The following WWOX variants were observed in gnomAD, a reference collection of about 807,000 sequenced individuals.
WWOX encodes the protein WW domain-containing oxidoreductase.
Under a neutral mutation model 46.2 loss-of-function variants are expected in WWOX, and 69 were observed. The observed-to-expected ratio is 1.49, with a 90% confidence interval of 1.23 to 1.82. The LOEUF is 1.82. Among genes scored for constraint, WWOX ranks in the 40% most tolerant of loss-of-function variants. The probability of loss-of-function intolerance (pLI) is 0.00; values close to 1 mark genes in which losing one functional copy is unlikely to be tolerated. For synonymous variants in WWOX, 359 were observed against 202.6 expected (o/e 1.77, Z -6.56); for missense variants, 919 against 542.6 (o/e 1.69, Z -6.89).
intron 8 of WWOX, among the ~76,000 whole-genome samples, chr16:78,736,580 G>T (rs1018061154): frequency 6.6e-6 from 1 of 151,762 alleles, no homozygotes; most frequent in Non-Finnish European, 1.5e-5. Flanking sequence ...TTTCTTTCTT[G>T]TTTTGTTTTG....
Position 78,338,000 on chromosome 16 carries a change from G to A in WWOX, c.517-48860G>A, listed in dbSNP as rs184665090. On this transcript the variant is annotated intron_variant, in intron 5 of 8. Coordinates refer to ENST00000566780, the MANE Select transcript of WWOX (RefSeq NM_016373.4). Reference sequence around the variant, plus strand: ...TATCAGGTCACTTGGCAACCAAGCTGATGAGGATAGCAGTTTCTTTTGTTC... The same window carrying A: ...TATCAGGTCACTTGGCAACCAAGCTAATGAGGATAGCAGTTTCTTTTGTTC... Among the ~76,000 whole-genome samples the A allele has an allele frequency of 5.0e-5, 6 of 119,970 alleles. No homozygotes were observed. In the East Asian group the frequency reaches 1.2e-3, roughly 23 times the overall value. The allele number at this position is 119,970 out of a possible 152,430, so 78.7% of individuals were successfully genotyped here.
intron 8 of WWOX, among the ~76,000 whole-genome samples, chr16:78,946,445 C>T (rs1225547815): frequency 6.6e-6 from 1 of 152,130 alleles, no homozygotes; most frequent in South Asian, 2.1e-4. Context: ...CTCACGTCGG[C>T]CTCCCAGAGT....
intron 5 of WWOX, 58 bp downstream of exon 5, chr16:78,164,347 C>A: frequency 6.7e-7 from 1 of 1,481,670 alleles, no homozygotes; most frequent in Non-Finnish European, 9.4e-7. Context: ...CCGGGCTAAC[C>A]ATATGGAGAT....
intron 8 of WWOX, among the ~76,000 whole-genome samples, chr16:78,736,393 C>T (rs1232359174): frequency 2.6e-5 from 4 of 152,108 alleles, no homozygotes; most frequent in South Asian, 2.1e-4. Flanking sequence ...GGAAATGGCA[C>T]AGCAGCTGCT....
At chr16:78,318,654 G>A (rs747140744) in intron 5 of WWOX, among the ~76,000 whole-genome samples, 1 of 152,164 alleles carries the variant, frequency 6.6e-6, no homozygotes, top group Non-Finnish European at 1.5e-5. Context: ...GCTGTGGGGA[G>A]TAAGTGGGAT....
chr16:78,192,057 A>G (rs2035899025), intron 5 of WWOX, among the ~76,000 whole-genome samples: 1 of 152,178 alleles, frequency 6.6e-6, no homozygotes, highest in Non-Finnish European at 1.5e-5. Context: ...TTCTTTGTTT[A>G]TAAAAGAGGG....
intron 5 of WWOX, among the ~76,000 whole-genome samples, chr16:78,350,443 T>A (rs1332639766): frequency 8.3e-6 from 1 of 120,720 alleles, no homozygotes; most frequent in African/African-American, 2.8e-5. Flanking sequence ...TTTCCCCACT[T>A]CCTTTTCTCT....
At chr16:79,184,152 C>A (rs991145934) in intron 8 of WWOX, among the ~76,000 whole-genome samples, 1 of 152,146 alleles carries the variant, frequency 6.6e-6, no homozygotes, top group African/African-American at 2.4e-5. Flanking sequence ...GTAAATTAAA[C>A]CCTCCCCCAA....
rs565600577 is a variant in WWOX at position 79,122,617 on chromosome 16, C to G, written c.1057-88991C>G. Among the ~76,000 whole-genome samples, 15 of 151,690 alleles carry G rather than the reference C, an allele frequency of 9.9e-5. No homozygotes were observed. The South Asian group carries it at 3.1e-3, about 32-fold the overall frequency. On this transcript the variant is annotated intron_variant, in intron 8 of 8. Coordinates refer to ENST00000566780, the MANE Select transcript of WWOX (RefSeq NM_016373.4). ...CTTTCTTTCCTCCCTCCCATACTCTCTACTTTTCTTCTTCCCTTCCCTTTG... is the reference window on the plus strand; with the variant it reads ...CTTTCTTTCCTCCCTCCCATACTCTGTACTTTTCTTCTTCCCTTCCCTTTG...
chr16:78,385,421 A>G (rs1413369450), intron 5 of WWOX, among the ~76,000 whole-genome samples: 1 of 152,218 alleles, frequency 6.6e-6, no homozygotes, highest in African/African-American at 2.4e-5. Flanking sequence ...GGAACTTATG[A>G]ACATGTATCG....
intron 8 of WWOX, among the ~76,000 whole-genome samples, chr16:79,078,969 C>T (rs568828786): frequency 6.6e-6 from 1 of 152,116 alleles, no homozygotes; most frequent in Admixed American, 6.6e-5. Context: ...GTTATTTTTC[C>T]CCCCAAATTT....
intron 8 of WWOX, among the ~76,000 whole-genome samples, chr16:78,857,800 T>C (rs2052601521): frequency 6.6e-6 from 1 of 152,056 alleles, no homozygotes; most frequent in South Asian, 2.1e-4. Context: ...ACATCTGCTG[T>C]TTATAGGAGC....
chr16:78,793,888 T>C (rs2050672357), intron 8 of WWOX, among the ~76,000 whole-genome samples: 1 of 152,022 alleles, frequency 6.6e-6, no homozygotes, highest in South Asian at 2.1e-4. Context: ...CCTCCTCATC[T>C]CTACAAAAAA....
intron 8 of WWOX, among the ~76,000 whole-genome samples, chr16:78,531,221 A>G (rs919981273): frequency 6.6e-6 from 1 of 152,204 alleles, no homozygotes. Flanking sequence ...AGACTCTTAC[A>G]TTCAGTGCTG....
intron 5 of WWOX, among the ~76,000 whole-genome samples, chr16:78,362,551 G>C (rs547169538): frequency 6.6e-6 from 1 of 152,242 alleles, no homozygotes; most frequent in East Asian, 1.9e-4. Context: ...GGAGGTAGCA[G>C]TGAGCTGAGA....
At chr16:78,517,673 C>T (rs1037740546) in intron 8 of WWOX, among the ~76,000 whole-genome samples, 1 of 151,974 alleles carries the variant, frequency 6.6e-6, no homozygotes, top group Non-Finnish European at 1.5e-5. Context: ...GGTGGAAGCG[C>T]GAGGTGGTGA....
At chr16:78,793,709 C>T (rs969361420) in intron 8 of WWOX, among the ~76,000 whole-genome samples, 3 of 152,006 alleles carry the variant, frequency 2.0e-5, no homozygotes, top group African/African-American at 7.3e-5. Flanking sequence ...AGAAATGTTG[C>T]AAATGCAACT....
intron 5 of WWOX, among the ~76,000 whole-genome samples, chr16:78,359,226 T>C (rs2081359605): frequency 6.6e-6 from 1 of 152,208 alleles, no homozygotes; most frequent in African/African-American, 2.4e-5. Context: ...GTATCTCCTC[T>C]GATAACACAA....
intron 5 of WWOX, among the ~76,000 whole-genome samples, chr16:78,282,885 A>G (rs1370306717): frequency 6.6e-6 from 1 of 151,340 alleles, no homozygotes; most frequent in Non-Finnish European, 1.5e-5. Flanking sequence ...TCTCAAAAAA[A>G]AAAAAAAAAA....
Sources: allele counts gnomAD v4.1 joint callset (sites outside exome capture counted in the v4.1 genomes callset), GRCh38; gene constraint gnomAD v4.1.1; transcripts MANE v1.5; gene names NCBI Gene and HGNC (gene_info 2026-07-23, HGNC 2026-07-21).